The following OR10J1 variants were observed in gnomAD, a reference collection of about 807,000 sequenced individuals.
The protein encoded by OR10J1 is olfactory receptor 10J1.
For missense variants in OR10J1, 474 were observed against 376.6 expected, an observed-to-expected ratio of 1.26 and a Z score of -2.14; for synonymous variants, 202 against 143.8, an observed-to-expected ratio of 1.40 and a Z score of -2.89.
chr1:159,410,587 C>A, the OR10J1 span, among the ~76,000 whole-genome samples: 2 of 151,968 alleles, frequency 1.3e-5, no homozygotes, highest in African/African-American at 4.8e-5. Context: ...ATTCTCCTCT[C>A]TTTTTTTCTT....
chr1:159,401,851 A>T, the OR10J1 span, among the ~76,000 whole-genome samples: 1 of 152,072 alleles, frequency 6.6e-6, no homozygotes, highest in Non-Finnish European at 1.5e-5. Context: ...CCTCAACAAA[A>T]TACTAGCAAA....
At chr1:159,436,336 T>A (rs1354168821), upstream of OR10J1, among the ~76,000 whole-genome samples, 1 of 152,156 alleles carries the variant, frequency 6.6e-6, no homozygotes, top group Non-Finnish European at 1.5e-5. Flanking sequence ...ATGAACCTGA[T>A]GAGAGCAGTT....
the OR10J1 span, chr1:159,432,395 G>T: frequency 2.5e-6 from 1 of 403,312 alleles, no homozygotes; most frequent in Non-Finnish European, 4.4e-6. Flanking sequence ...ATTTCTTCCT[G>T]AGTGTGCTGT....
the OR10J1 span, among the ~76,000 whole-genome samples, chr1:159,412,751 C>A: frequency 2.0e-5 from 3 of 151,592 alleles, no homozygotes; most frequent in Non-Finnish European, 2.9e-5. Context: ...AAAACCTAGG[C>A]GTTACCATTC....
At chr1:159,401,942 T>C in the OR10J1 span, among the ~76,000 whole-genome samples, 3 of 152,152 alleles carry the variant, frequency 2.0e-5, no homozygotes, top group East Asian at 5.8e-4. Flanking sequence ...TGGTTCAACA[T>C]TTGCAAATCA....
At chr1:159,410,803 T>G in the OR10J1 span, among the ~76,000 whole-genome samples, 58,867 of 147,864 alleles carry the variant, frequency 0.4, 14,074 homozygotes, top group Non-Finnish European at 0.55. Flanking sequence ...GGTGTCAATT[T>G]TGGATCTTTC....
the OR10J1 span, among the ~76,000 whole-genome samples, chr1:159,420,234 A>T: frequency 6.6e-6 from 1 of 152,044 alleles, no homozygotes. Context: ...GATAATTTTC[A>T]TAGGCAGCAT....
At chr1:159,435,987 C>T (rs993711770), upstream of OR10J1, among the ~76,000 whole-genome samples, 29 of 152,086 alleles carry the variant, frequency 1.9e-4, no homozygotes, top group Non-Finnish European at 2.8e-4. Context: ...CTACTGACTT[C>T]GGAGGGTTAT....
chr1:159,412,966 A>G, the OR10J1 span, among the ~76,000 whole-genome samples: 1 of 152,138 alleles, frequency 6.6e-6, no homozygotes, highest in Non-Finnish European at 1.5e-5. Flanking sequence ...TCCAGAATCG[A>G]CAATGAACTC....
At chr1:159,400,013 A>C in the OR10J1 span, among the ~76,000 whole-genome samples, 1 of 152,108 alleles carries the variant, frequency 6.6e-6, no homozygotes, top group Admixed American at 6.6e-5. Context: ...AAACCAAAAA[A>C]TATGCAATAG....
chr1:159,440,045 T>C lies in OR10J1; in HGVS notation c.254T>C (p.Leu85Pro). The change falls in exon 1 of 1, where the codon CTC (leucine) becomes CCC (proline). Residue 85 changes from leucine to proline, a missense_variant. Physicochemically the swap from Leu to Pro is moderately conservative, Grantham distance 98. Transcript: ENST00000423932. ...ATTCTCCCAAGAATGCTCTCCAGCC[T>C]CGTAGGTATGAGCCAGCCCATATCA... ...LVILPRMLSS[L>P]VGMSQPISLA... 6.2e-7 allele frequency: 1 copy of C among 1,614,128 alleles called. No homozygotes were observed.
At chr1:159,411,359 T>G in the OR10J1 span, among the ~76,000 whole-genome samples, 1 of 152,174 alleles carries the variant, frequency 6.6e-6, no homozygotes, top group Admixed American at 6.6e-5. Flanking sequence ...CTCCAAGGAC[T>G]TGCTTTATGA....
chr1:159,414,336 G>A, the OR10J1 span, among the ~76,000 whole-genome samples: 1 of 151,994 alleles, frequency 6.6e-6, no homozygotes, highest in Non-Finnish European at 1.5e-5. Context: ...ATATGAGAGA[G>A]GACATGTAAA....
chr1:159,416,768 A>G, the OR10J1 span, among the ~76,000 whole-genome samples: 1 of 152,002 alleles, frequency 6.6e-6, no homozygotes, highest in Non-Finnish European at 1.5e-5. Flanking sequence ...ACTCATTATA[A>G]GTGTGTTCAA....
the OR10J1 span, among the ~76,000 whole-genome samples, chr1:159,431,248 C>T: frequency 2.6e-5 from 4 of 152,216 alleles, no homozygotes; most frequent in African/African-American, 9.6e-5. Flanking sequence ...TCTCCTCTCA[C>T]TTCCTTATTC....
the OR10J1 span, among the ~76,000 whole-genome samples, chr1:159,430,838 G>C: frequency 6.6e-6 from 1 of 151,966 alleles, no homozygotes; most frequent in East Asian, 1.9e-4. Context: ...AATTCATATG[G>C]TCTCCATAGT....
Position 159,440,778 on chromosome 1 carries a change from G to C in OR10J1, c.*57G>C. 6.5e-7 allele frequency: 1 copy of C among 1,538,050 alleles called. No homozygotes were observed. Among genetic ancestry groups the C allele is most frequent in the East Asian group, 2.3e-5 (1 of 44,100 alleles). The stretch of plus-strand genomic sequence containing the variant: ...ACATCCACACTAGGCAGGAATATGA[G>C]GTGTAAACTCACAAACACTTGGCTC... On this transcript the variant is annotated 3_prime_UTR_variant, in exon 1 of 1. Transcript: ENST00000423932.
the OR10J1 span, among the ~76,000 whole-genome samples, chr1:159,426,586 G>C: frequency 6.6e-6 from 1 of 151,714 alleles, no homozygotes; most frequent in Non-Finnish European, 1.5e-5. Flanking sequence ...CATAGCTGGA[G>C]ACAACATTTT....
At chr1:159,400,067 G>GA in the OR10J1 span, among the ~76,000 whole-genome samples, 3 of 151,696 alleles carry the variant, frequency 2.0e-5, no homozygotes, top group Non-Finnish European at 2.9e-5. Flanking sequence ...TGTATCAACA[G>GA]AAAAAATCAT....
Sources: gnomAD v4.1 joint callset for allele counts (sites outside exome capture counted in the v4.1 genomes callset) on GRCh38, gnomAD v4.1.1 for gene constraint, MANE v1.5 for transcripts, NCBI Gene and HGNC (gene_info 2026-07-23, HGNC 2026-07-21) for gene names.